The following PRKG1 variants were observed in gnomAD, a reference collection of about 807,000 sequenced individuals.
The protein encoded by PRKG1 is protein kinase cGMP-dependent 1.
In PRKG1, 35 loss-of-function variants were observed where a neutral mutation model predicts 88.1. That is an observed-to-expected ratio of 0.40 (90% confidence interval 0.30 to 0.53). The LOEUF is 0.53. Among genes scored for constraint, PRKG1 ranks in the 20% least tolerant of loss-of-function variants. PRKG1 has a pLI of 0.59. For synonymous variants in PRKG1, 303 were observed against 292.5 expected (o/e 1.04, Z -0.37); for missense variants, 540 against 839.8 (o/e 0.64, Z 4.41).
Position 52,294,001 on chromosome 10 carries a change from C to T in PRKG1, c.*101C>T. 1.1e-6 allele frequency: 1 copy of T among 919,970 alleles called. No individual in the cohort carries two copies. The highest frequency in any genetic ancestry group is 1.6e-5 in the South Asian group (1 of 64,022). 57.0% of individuals were successfully genotyped at this position (919,970 alleles called of 1,614,324 possible). On this transcript the variant is annotated 3_prime_UTR_variant, in exon 18 of 18. Coordinates refer to ENST00000373980, the MANE Select transcript of PRKG1 (RefSeq NM_006258.4). Reference sequence around the variant, plus strand: ...AAGAGAGAAGATTAGTGCTCGGGGTCACCATGATGCCTTTGATCGATGCTG... The same window carrying T: ...AAGAGAGAAGATTAGTGCTCGGGGTTACCATGATGCCTTTGATCGATGCTG...
chr10:51,448,684 C>A (rs1839346516), intron 2 of PRKG1, among the ~76,000 whole-genome samples: 1 of 151,842 alleles, frequency 6.6e-6, no homozygotes, highest in African/African-American at 2.4e-5. Flanking sequence ...TGATATATAC[C>A]AATGATTTTT....
chr10:52,072,158 C>CTTTTTTTTTTTTTT (rs60576406), intron 7 of PRKG1, among the ~76,000 whole-genome samples: 22 of 39,562 alleles, frequency 5.6e-4, no homozygotes, highest in East Asian at 1.2e-3. Flanking sequence ...TATTGTTTTG[C>CTTTTTTTTTTTTTT]TTTTTTTTTT....
At chr10:51,212,304 C>T in intron 2 of PRKG1, among the ~76,000 whole-genome samples, 1 of 152,036 alleles carries the variant, frequency 6.6e-6, no homozygotes, top group East Asian at 1.9e-4. Flanking sequence ...ACACCTTATA[C>T]AAAAATTAAT....
chr10:51,025,732 TC>T (rs1843195733), intron 1 of PRKG1, among the ~76,000 whole-genome samples: 1 of 152,158 alleles, frequency 6.6e-6, no homozygotes, highest in South Asian at 2.1e-4. Flanking sequence ...AGCTTTAGAC[TC>T]CTCAGGCACC....
At chr10:52,132,700 T>A in intron 7 of PRKG1, among the ~76,000 whole-genome samples, 2 of 152,240 alleles carry the variant, frequency 1.3e-5, no homozygotes, top group Middle Eastern at 3.4e-3. Context: ...TCAAACATAT[T>A]AATTATTAAT....
chr10:51,273,436 A>G (rs1336042535), intron 2 of PRKG1, among the ~76,000 whole-genome samples: 2 of 151,700 alleles, frequency 1.3e-5, no homozygotes, highest in Non-Finnish European at 2.9e-5. Flanking sequence ...AGGTGGGAGG[A>G]TCGCTGGAGT....
chr10:51,708,102 G>A (rs1281654162), intron 3 of PRKG1, among the ~76,000 whole-genome samples: 1 of 152,282 alleles, frequency 6.6e-6, no homozygotes, highest in African/African-American at 2.4e-5. Context: ...GACTTAAACA[G>A]AAATTTATTT....
intron 1 of PRKG1, among the ~76,000 whole-genome samples, chr10:51,126,850 C>T (rs1845437165): frequency 2.6e-5 from 4 of 152,028 alleles, no homozygotes; most frequent in Admixed American, 6.6e-5. Flanking sequence ...CTGACAAAAC[C>T]AAGCAATGGG....
At chr10:52,241,020 C>T (rs374834505) in intron 9 of PRKG1, among the ~76,000 whole-genome samples, 1 of 152,064 alleles carries the variant, frequency 6.6e-6, no homozygotes, top group Non-Finnish European at 1.5e-5. Context: ...GAAGTTTTAT[C>T]GAGTCTGTTT....
intron 2 of PRKG1, among the ~76,000 whole-genome samples, chr10:51,420,772 C>G (rs1838388796): frequency 6.6e-6 from 1 of 152,200 alleles, no homozygotes; most frequent in Admixed American, 6.5e-5. Context: ...GCTCACAGTT[C>G]TGCAGGCTGT....
intron 1 of PRKG1, among the ~76,000 whole-genome samples, chr10:51,064,595 A>C (rs1843728236): frequency 6.6e-6 from 1 of 151,956 alleles, no homozygotes; most frequent in Admixed American, 6.6e-5. Context: ...TAAGGTTGAC[A>C]ACAATTACTT....
At chr10:51,354,020 A>G (rs552459030) in intron 2 of PRKG1, among the ~76,000 whole-genome samples, 1 of 152,278 alleles carries the variant, frequency 6.6e-6, no homozygotes, top group Non-Finnish European at 1.5e-5. Context: ...GGAGGTCATT[A>G]TGTTAAGTGA....
At position 52,053,760 on chromosome 10, in the gene PRKG1, T is replaced by C. The variant is rs916640462; in HGVS notation, c.763-724T>C. Among the ~76,000 whole-genome samples, 4 of 152,328 alleles carry C rather than the reference T, an allele frequency of 2.6e-5. No individual in the cohort carries two copies. In the East Asian group the frequency reaches 7.7e-4, roughly 29 times the overall value. ...CGGCCTTACCTCACTCCTCATTTGA[T>C]AGTTTATAAGCTCACAGATGCTGGA... is the stretch of plus-strand genomic sequence containing the variant. On this transcript the variant is annotated intron_variant, in intron 5 of 17. Coordinates refer to ENST00000373980, the MANE Select transcript of PRKG1 (RefSeq NM_006258.4).
At chr10:51,433,815 A>G (rs1208871536) in intron 2 of PRKG1, among the ~76,000 whole-genome samples, 1 of 152,176 alleles carries the variant, frequency 6.6e-6, no homozygotes, top group Non-Finnish European at 1.5e-5. Context: ...AATGCCTAAC[A>G]GTCTAATACA....
chr10:52,248,976 C>T (rs1841097167), intron 9 of PRKG1, among the ~76,000 whole-genome samples: 1 of 78,892 alleles, frequency 1.3e-5, no homozygotes, highest in Admixed American at 1.6e-4. Flanking sequence ...CTTCCCCCTT[C>T]CCCCTTCCCC....
rs949078680 is a variant in PRKG1, at chr10:52,087,757, G to GT, written c.935+25134dup. 2.6e-5 allele frequency among the ~76,000 whole-genome samples: 4 copies of GT among 151,928 alleles called. No homozygotes were observed. In the East Asian group the frequency reaches 7.7e-4, roughly 29 times the overall value. ...ACAGAGTGAATTTGGCTATTCTTAG[G>GT]TTTTTTTTGGTAGGAGTGTCTGAGA... On this transcript the variant is annotated intron_variant, in intron 7 of 17. Transcript: ENST00000373980.
chr10:52,163,033 T>A (rs909788400), intron 9 of PRKG1, among the ~76,000 whole-genome samples: 2 of 152,056 alleles, frequency 1.3e-5, no homozygotes, highest in Non-Finnish European at 2.9e-5. Context: ...TGATATTCAG[T>A]TTAGACTTCA....
At chr10:52,188,945 C>A (rs191963533) in intron 9 of PRKG1, among the ~76,000 whole-genome samples, 1 of 152,176 alleles carries the variant, frequency 6.6e-6, no homozygotes, top group Non-Finnish European at 1.5e-5. Context: ...ACAGAGAATA[C>A]GAAACCCAAG....
chr10:52,120,053 CAG>C (rs201707965), intron 7 of PRKG1, among the ~76,000 whole-genome samples: 111 of 151,172 alleles, frequency 7.3e-4, no homozygotes, highest in Admixed American at 2.5e-3. Context: ...GAGACAGAGA[CAG>C]AGAGAGAGAG....
Sources: allele counts gnomAD v4.1 joint callset (sites outside exome capture counted in the v4.1 genomes callset), GRCh38; gene constraint gnomAD v4.1.1; transcripts MANE v1.5; gene names NCBI Gene and HGNC (gene_info 2026-07-23, HGNC 2026-07-21).